LMO7: variants seen among roughly 807,000 people sequenced by gnomAD.
LMO7 encodes the protein LIM domain only protein 7.
LMO7 carries 120 observed loss-of-function variants against 206.5 expected under a neutral mutation model. The observed-to-expected ratio is 0.58, with a 90% CI of 0.50 to 0.68. The LOEUF (loss-of-function observed/expected upper bound fraction) is 0.68. Among genes scored for constraint, LMO7 ranks in the 30% least tolerant of loss-of-function variants. The pLI is 0.00. For missense variants in LMO7, 1,959 were observed against 1,957.9 expected (o/e 1.00, Z -0.01); for synonymous variants, 706 against 681.5 (o/e 1.04, Z -0.56).
chr13:75,858,158 T>C lies in LMO7; in HGVS notation c.*215T>C. 1 of 452,626 alleles carries C rather than the reference T, an allele frequency of 2.2e-6. No homozygotes were observed. Among genetic ancestry groups the C allele is most frequent in the Non-Finnish European group, 3.9e-6 (1 of 258,182 alleles). 28.0% of individuals were successfully genotyped at this position (452,626 alleles called of 1,614,324 possible). ...TAAGGTAATTGTGTGTGGGGAAAAG[T>C]GCAGTATTTACCTGTTGAATTCAGC... On this transcript the variant is annotated 3_prime_UTR_variant, in exon 31 of 31. Coordinates refer to ENST00000377534, the MANE Select transcript of LMO7 (RefSeq NM_001306080.2).
intron 9 of LMO7, chr13:75,806,725 A>C (rs1566503358): frequency 6.6e-6 from 1 of 152,198 alleles, no homozygotes; most frequent in African/African-American, 2.4e-5. Flanking sequence ...GATTACATAT[A>C]CCTATTGCAT....
At chr13:75,718,335 A>G (rs1244495854) in intron 2 of LMO7, among the ~76,000 whole-genome samples, 1 of 152,198 alleles carries the variant, frequency 6.6e-6, no homozygotes, top group Non-Finnish European at 1.5e-5. Context: ...TTGAGGGTTG[A>G]AATCCTGGAG....
intron 2 of LMO7, among the ~76,000 whole-genome samples, chr13:75,720,505 T>A (rs193198604): frequency 3.3e-5 from 5 of 152,338 alleles, no homozygotes; most frequent in Admixed American, 1.3e-4. Flanking sequence ...GAGTTCATTG[T>A]TGAGAAGGGT....
At chr13:75,647,356 C>T (rs2037123951) in intron 1 of LMO7, among the ~76,000 whole-genome samples, 1 of 152,082 alleles carries the variant, frequency 6.6e-6, no homozygotes. Context: ...TTGGGTTTTC[C>T]CCTGCTTTTT....
At chr13:75,693,074 A>G (rs1231645789) in intron 1 of LMO7, among the ~76,000 whole-genome samples, 1 of 152,192 alleles carries the variant, frequency 6.6e-6, no homozygotes, top group Non-Finnish European at 1.5e-5. Context: ...GCATATACAG[A>G]TCTCACTTAA....
At chr13:75,795,480 A>G (rs775126410) in intron 5 of LMO7, 49 bp downstream of exon 5, 30 of 1,310,064 alleles carry the variant, frequency 2.3e-5, no homozygotes, top group Non-Finnish European at 3.1e-5. Context: ...TTTCACTTTC[A>G]TGTTCTGTAA....
intron 1 of LMO7, among the ~76,000 whole-genome samples, chr13:75,663,587 C>T (rs1394307788): frequency 2.6e-5 from 4 of 151,794 alleles, no homozygotes; most frequent in Non-Finnish European, 4.4e-5. Context: ...CCCGCCACTA[C>T]ACCCGGCTAG....
intron 3 of LMO7, among the ~76,000 whole-genome samples, chr13:75,740,998 A>G (rs1352995351): frequency 6.6e-6 from 1 of 152,230 alleles, no homozygotes; most frequent in Non-Finnish European, 1.5e-5. Context: ...CTGTTGCATC[A>G]GACCTTGGTG....
chr13:75,805,440 G>A, intron 8 of LMO7, 39 bp from the exon 9 acceptor site: 1 of 1,588,378 alleles, frequency 6.3e-7, no homozygotes, highest in Non-Finnish European at 8.6e-7. Flanking sequence ...TGTCACAAAT[G>A]CTCATACAGT....
intron 3 of LMO7, among the ~76,000 whole-genome samples, chr13:75,751,775 C>A (rs1273483667): frequency 6.6e-6 from 1 of 152,108 alleles, no homozygotes; most frequent in Non-Finnish European, 1.5e-5. Flanking sequence ...CAGCTCTTGA[C>A]CCTGTACACT....
intron 2 of LMO7, among the ~76,000 whole-genome samples, chr13:75,717,505 T>A (rs1030082547): frequency 6.6e-6 from 1 of 151,874 alleles, no homozygotes; most frequent in Non-Finnish European, 1.5e-5. Flanking sequence ...GTATCAGCCA[T>A]GTGACCACAA....
intron 1 of LMO7, among the ~76,000 whole-genome samples, chr13:75,640,718 T>C (rs913972477): frequency 2.0e-5 from 3 of 152,080 alleles, no homozygotes; most frequent in Admixed American, 1.3e-4. Context: ...CAAATAAAGT[T>C]ATAGCTTTAA....
intron 1 of LMO7, among the ~76,000 whole-genome samples, chr13:75,707,025 G>A (rs190173426): frequency 6.6e-6 from 1 of 151,862 alleles, no homozygotes; most frequent in East Asian, 1.9e-4. Flanking sequence ...AATTACCTAG[G>A]ACAAAAACTG....
rs1491377884 is a variant in LMO7 at position 75,750,376 on chromosome 13, CCT to C, written c.211-10555_211-10554del. On this transcript the variant is annotated intron_variant, in intron 3 of 30. Coordinates refer to ENST00000377534, the MANE Select transcript of LMO7 (RefSeq NM_001306080.2). ...CAAAAATTCAGTTCACCTGGGGGATCCTTTTTTTTTTTTTTTTTTTTTTCCTT... is the reference window on the plus strand; with the variant it reads ...CAAAAATTCAGTTCACCTGGGGGATCTTTTTTTTTTTTTTTTTTTTTCCTT... 1.3e-4 allele frequency among the ~76,000 whole-genome samples: 12 copies of C among 93,878 alleles called. No individual in the cohort carries two copies. The Admixed American group carries it at 1.9e-3, about 15-fold the overall frequency. 61.6% of individuals were successfully genotyped at this position (93,878 alleles called of 152,430 possible). A position where few individuals can be genotyped will look rare whatever the true frequency, so the allele number is the denominator to read the frequency against.
intron 4 of LMO7, among the ~76,000 whole-genome samples, chr13:75,780,348 C>T (rs1183924157): frequency 1.3e-5 from 2 of 152,112 alleles, no homozygotes; most frequent in African/African-American, 2.4e-5. Flanking sequence ...AGAGGCCTCC[C>T]CCTGGGAGTG....
In LMO7 at chr13:75,823,616, C is replaced by G. The variant is rs1239562930; in HGVS notation, c.2692C>G (p.Pro898Ala). The G allele has an allele frequency of 6.2e-7, 1 of 1,613,918 alleles. No homozygotes were observed. The highest frequency in any genetic ancestry group is 1.3e-5 in the African/African-American group (1 of 74,896). Residue 898 changes from proline to alanine, a missense_variant, in exon 15 of 31, where the codon CCA becomes GCA. Physicochemically the swap from Pro to Ala is conservative, Grantham distance 27. Coordinates refer to ENST00000377534, the MANE Select transcript of LMO7 (RefSeq NM_001306080.2). ...AGATGTTGAAGACATTAAGAGAACTCCAAACAATGTGGTCAGCACCCCTGC... is the reference window on the plus strand; with the variant it reads ...AGATGTTGAAGACATTAAGAGAACTGCAAACAATGTGGTCAGCACCCCTGC... ...NGDVEDIKRT[P>A]NNVVSTPAPS...
At chr13:75,699,468 A>C (rs2147007) in intron 1 of LMO7, among the ~76,000 whole-genome samples, 151,098 of 151,112 alleles carry the variant, frequency 1, 75,542 homozygotes, top group Middle Eastern at 1. Context: ...AATGTAGGTT[A>C]TTTTCTATTT....
chr13:75,643,825 C>G (rs2036780739), intron 1 of LMO7, among the ~76,000 whole-genome samples: 1 of 152,168 alleles, frequency 6.6e-6, no homozygotes, highest in Non-Finnish European at 1.5e-5. Context: ...AACAGCCTTT[C>G]CAAAGATTAT....
In LMO7 at chr13:75,724,020, G is replaced by A. The variant is rs185992738; in HGVS notation, c.141-3009G>A. On this transcript the variant is annotated intron_variant, in intron 2 of 30. Coordinates refer to ENST00000377534, the MANE Select transcript of LMO7 (RefSeq NM_001306080.2). Reference sequence around the variant, plus strand: ...AGCTTTCAGGAGCCTCTTTTATGAGGGACCTAATCCCATTCATGAGGGTTC... The same window carrying A: ...AGCTTTCAGGAGCCTCTTTTATGAGAGACCTAATCCCATTCATGAGGGTTC... 4.7e-3 allele frequency among the ~76,000 whole-genome samples: 710 copies of A among 152,062 alleles called. 5 individuals carry two copies. The highest frequency in any genetic ancestry group is 6.9e-3 in the Non-Finnish European group (466 of 67,956).
Sources: gnomAD v4.1 joint callset for allele counts (sites outside exome capture counted in the v4.1 genomes callset) on GRCh38, gnomAD v4.1.1 for gene constraint, MANE v1.5 for transcripts, NCBI Gene and HGNC (gene_info 2026-07-23, HGNC 2026-07-21) for gene names.